The following INPP4B variants were observed in gnomAD, a reference collection of about 807,000 sequenced individuals.
INPP4B encodes the protein inositol polyphosphate 4-phosphatase type II.
Under a neutral mutation model 122.5 loss-of-function variants are expected in INPP4B, and 55 were observed. The observed-to-expected ratio is 0.45, with a 90% confidence interval of 0.36 to 0.56. INPP4B has a LOEUF of 0.56. Among genes scored for constraint, INPP4B ranks in the 20% least tolerant of loss-of-function variants. The pLI is 0.00. For synonymous variants in INPP4B, 403 were observed against 388.7 expected (o/e 1.04, Z -0.43); for missense variants, 1,000 against 1,097.7 (o/e 0.91, Z 1.26).
chr4:142,399,952 G>A (rs150723268), intron 7 of INPP4B, among the ~76,000 whole-genome samples: 2,524 of 152,116 alleles, frequency 0.017, 31 homozygotes, highest in Non-Finnish European at 0.022. Context: ...TAGTTATGCT[G>A]AATCAACAGT....
Position 142,692,481 on chromosome 4 carries a change from G to A in INPP4B, c.-191+33358C>T, listed in dbSNP as rs547562051. The stretch of plus-strand genomic sequence containing the variant: ...TTTATGAGGCCTAGACGGGAGGATC[G>A]CTTGAGCCCAGGAGTTCCAGATTAG... On this transcript the variant is annotated intron_variant, in intron 2 of 25. Transcript: ENST00000262992. Among the ~76,000 whole-genome samples, 5 of 152,238 alleles carry A rather than the reference G, an allele frequency of 3.3e-5. No individual in the cohort carries two copies. The East Asian group carries it at 5.8e-4, about 18-fold the overall frequency.
At chr4:142,088,489 T>G (rs540849064) in intron 23 of INPP4B, among the ~76,000 whole-genome samples, 1 of 126,338 alleles carries the variant, frequency 7.9e-6, no homozygotes, top group South Asian at 2.9e-4. Context: ...AACTTATTTG[T>G]GTAACAATGT....
chr4:142,591,820 G>C (rs946309260), intron 2 of INPP4B, among the ~76,000 whole-genome samples: 2 of 152,084 alleles, frequency 1.3e-5, no homozygotes, highest in African/African-American at 4.8e-5. Flanking sequence ...TTCCAGTAGA[G>C]AGACATTCTA....
At chr4:142,421,142 A>G (rs771323805) in intron 5 of INPP4B, among the ~76,000 whole-genome samples, 3 of 152,120 alleles carry the variant, frequency 2.0e-5, no homozygotes, top group Admixed American at 6.6e-5. Context: ...GTTGGAAGCT[A>G]TATTGCCTCC....
intron 1 of INPP4B, among the ~76,000 whole-genome samples, chr4:142,813,145 A>G (rs1160317263): frequency 6.6e-6 from 1 of 152,202 alleles, no homozygotes; most frequent in Non-Finnish European, 1.5e-5. Flanking sequence ...CCCAGCAAAG[A>G]GACTCATACA....
At chr4:142,140,347 A>T (rs933898553) in intron 18 of INPP4B, among the ~76,000 whole-genome samples, 6 of 152,222 alleles carry the variant, frequency 3.9e-5, no homozygotes, top group African/African-American at 1.4e-4. Flanking sequence ...ATTTCATGAC[A>T]TACTTGTGAA....
rs114554124 is a variant in INPP4B, at chr4:142,233,137, A to G, written c.836+4727T>C. 4.8e-3 allele frequency among the ~76,000 whole-genome samples: 736 copies of G among 152,214 alleles called. 10 individuals carry two copies. Among genetic ancestry groups the G allele is most frequent in the African/African-American group, 0.017 (702 of 41,544 alleles). On this transcript the variant is annotated intron_variant, in intron 12 of 25. Transcript: ENST00000262992. ...TCATTGATGACGGTGGCTATCATTG[A>G]TGAATGTGGTCTGAAACTGAGTGCA...
chr4:142,618,625 T>C (rs899080086), intron 2 of INPP4B, among the ~76,000 whole-genome samples: 5 of 152,020 alleles, frequency 3.3e-5, no homozygotes, highest in African/African-American at 1.2e-4. Flanking sequence ...GCCCAAACTA[T>C]GTAATACTCA....
chr4:142,068,647 C>T (rs557059960), intron 25 of INPP4B, among the ~76,000 whole-genome samples: 119 of 152,020 alleles, frequency 7.8e-4, no homozygotes, highest in African/African-American at 2.7e-3. Flanking sequence ...ATCTACCAAG[C>T]AAATGGAAAA....
rs116611825 is a variant in INPP4B, at chr4:142,773,090, A to G, written c.-253-47189T>C. On this transcript the variant is annotated intron_variant, in intron 1 of 25. Transcript: ENST00000262992. Reference sequence around the variant, plus strand: ...AAAATAAATAAAGACACAATCTAACAGTACAACTGTTAATAGGGTCTAAAT... The same window carrying G: ...AAAATAAATAAAGACACAATCTAACGGTACAACTGTTAATAGGGTCTAAAT... 6.2e-3 allele frequency among the ~76,000 whole-genome samples: 948 copies of G among 152,258 alleles called. 8 individuals are homozygous for G. The highest frequency in any genetic ancestry group is 0.017 in the Middle Eastern group (5 of 294).
At chr4:142,762,642 C>A (rs997864067) in intron 1 of INPP4B, among the ~76,000 whole-genome samples, 21 of 152,134 alleles carry the variant, frequency 1.4e-4, no homozygotes, top group Admixed American at 1.2e-3. Flanking sequence ...AACAGACAAG[C>A]AACAAGTACG....
intron 7 of INPP4B, among the ~76,000 whole-genome samples, chr4:142,381,250 C>T (rs973211491): frequency 1.3e-5 from 2 of 152,046 alleles, no homozygotes; most frequent in Non-Finnish European, 2.9e-5. Context: ...TCACATCCTG[C>T]CAGCAATGGT....
chr4:142,642,868 A>G (rs1156558748), intron 2 of INPP4B, among the ~76,000 whole-genome samples: 3 of 152,118 alleles, frequency 2.0e-5, no homozygotes, highest in Non-Finnish European at 2.9e-5. Context: ...CAGTATGGCC[A>G]TTTTCACAAT....
chr4:142,428,359 T>C (rs139211096), intron 5 of INPP4B, among the ~76,000 whole-genome samples: 2 of 151,166 alleles, frequency 1.3e-5, no homozygotes, highest in Admixed American at 6.6e-5. Context: ...AATATGTGCA[T>C]GTATTAGTCT....
chr4:142,773,860 A>T (rs1055770491), intron 1 of INPP4B, among the ~76,000 whole-genome samples: 1 of 152,118 alleles, frequency 6.6e-6, no homozygotes, highest in Non-Finnish European at 1.5e-5. Context: ...ATTTTTGGAG[A>T]GTAAGAGCCA....
intron 2 of INPP4B, among the ~76,000 whole-genome samples, chr4:142,489,945 G>C (rs1343210567): frequency 2.0e-5 from 3 of 151,936 alleles, no homozygotes; most frequent in Non-Finnish European, 4.4e-5. Context: ...ACTTTCTAAT[G>C]ATTATGTTTG....
Position 142,030,121 on chromosome 4 carries a change from A to C in INPP4B, c.2643-1207T>G, listed in dbSNP as rs891760445. ...TGTAGAAAAGAAAAAGGAATACAAC[A>C]TAAAACTTATTGGTATTTGGCTAAG... On this transcript the variant is annotated intron_variant, in intron 25 of 25. Transcript: ENST00000262992. The C allele has an allele frequency of 3.3e-6, 5 of 1,529,790 alleles. No homozygotes were observed. In the Middle Eastern group the frequency reaches 5.0e-4, roughly 154 times the overall value. The allele number at this position is 1,529,790 out of a possible 1,614,324, so 94.8% of individuals were successfully genotyped here.
intron 2 of INPP4B, among the ~76,000 whole-genome samples, chr4:142,641,460 T>A (rs901360837): frequency 1.4e-5 from 2 of 142,778 alleles, no homozygotes; most frequent in African/African-American, 5.1e-5. Context: ...TGATGTTTCC[T>A]TTCCTGTGTC....
At chr4:142,288,511 G>C (rs1016706624) in intron 9 of INPP4B, among the ~76,000 whole-genome samples, 3 of 152,180 alleles carry the variant, frequency 2.0e-5, no homozygotes, top group African/African-American at 7.2e-5. Context: ...GTGAACCAGG[G>C]AGGCGGAGCT....
Sources: gnomAD v4.1 joint callset for allele counts (sites outside exome capture counted in the v4.1 genomes callset) on GRCh38, gnomAD v4.1.1 for gene constraint, MANE v1.5 for transcripts, NCBI Gene and HGNC (gene_info 2026-07-23, HGNC 2026-07-21) for gene names.